The following TRAK2 variants were observed in gnomAD, a reference collection of about 807,000 sequenced individuals.
TRAK2 encodes trafficking kinesin protein 2.
A neutral mutation model predicts 104.6 loss-of-function variants in TRAK2; 81 were observed. The ratio of observed to expected loss-of-function variants is 0.77; its 90% CI spans 0.65 to 0.93. The LOEUF is 0.93. Ranked by LOEUF, TRAK2 falls within the 40% of genes least tolerant of loss-of-function variation. The probability of loss-of-function intolerance (pLI) is 0.00; values close to 1 mark genes in which losing one functional copy is unlikely to be tolerated. For missense variants in TRAK2, 1,002 were observed against 1,089.0 expected, an observed-to-expected ratio of 0.92 and a Z score of 1.12; for synonymous variants, 406 against 394.4, an observed-to-expected ratio of 1.03 and a Z score of -0.35.
Position 201,399,471 on chromosome 2 carries a change from G to C in TRAK2, c.386C>G (p.Ala129Gly), listed in dbSNP as rs779060107. ...TAAGAGAGCTTGTCCAATTCGAGCA[G>C]CGAGTTCCAGATCACGATCCCTCTG... ...LAERDRDLEL[A>G]ARIGQALLKR... is the part of the protein sequence containing the mutation. The change falls in exon 5 of 16, where the codon GCT becomes GGT. Residue 129 changes from alanine to glycine, a missense_variant. Ala to Gly is a moderately conservative substitution (Grantham distance 60). Transcript: ENST00000332624. 6.2e-7 allele frequency: 1 copy of C among 1,612,562 alleles called. No homozygotes were observed. The highest frequency in any genetic ancestry group is 1.1e-5 in the South Asian group (1 of 90,942).
chr2:201,443,337 CCT>C (rs1197730827), intron 1 of TRAK2, among the ~76,000 whole-genome samples: 11 of 152,072 alleles, frequency 7.2e-5, no homozygotes, highest in African/African-American at 2.7e-4. Flanking sequence ...TTGACTACTC[CCT>C]GTTTCAACTT....
chr2:201,411,828 A>C lies in TRAK2; in HGVS notation c.92-4231T>G, dbSNP rs187358351. ...ATTTACAGGAACAGCAAGGGAAGAC[A>C]TTTGTAGACAGGCATTTTTAATTCT... is the stretch of plus-strand genomic sequence containing the variant. On this transcript the variant is annotated intron_variant, in intron 2 of 15. Coordinates refer to ENST00000332624, the MANE Select transcript of TRAK2 (RefSeq NM_015049.3). 9.4e-5 allele frequency: 79 copies of C among 841,264 alleles called. No individual in the cohort carries two copies. The African/African-American group carries it at 1.2e-3, about 13-fold the overall frequency. The allele number at this position is 841,264 out of a possible 1,614,324, so 52.1% of individuals were successfully genotyped here.
rs199606848 is a variant in TRAK2 at position 201,398,308 on chromosome 2, C to T, written c.527G>A (p.Arg176Gln). The T allele has an allele frequency of 3.3e-5, 53 of 1,613,594 alleles. No individual in the cohort carries two copies. Among genetic ancestry groups the T allele is most frequent in the Non-Finnish European group, 4.2e-5 (49 of 1,179,658 alleles). ...TTCTTCAGAAGCAATGGAGACGATTCGAAGTAACTCATCTTTCTTGCATAG... is the reference window on the plus strand; with the variant it reads ...TTCTTCAGAAGCAATGGAGACGATTTGAAGTAACTCATCTTTCTTGCATAG... Reference protein sequence around the residue: ...HELCKKDELLRIVSIASEESE... With the variant: ...HELCKKDELLQIVSIASEESE... Residue 176 changes from arginine (R) to glutamine (Q), a missense_variant, in exon 6 of 16, where the codon CGA becomes CAA. By Grantham distance (43) the Arg-to-Gln change is conservative. Transcript: ENST00000332624.
intron 1 of TRAK2, among the ~76,000 whole-genome samples, chr2:201,432,592 T>C (rs1951850520): frequency 6.6e-6 from 1 of 152,210 alleles, no homozygotes; most frequent in Admixed American, 6.5e-5. Flanking sequence ...GACATAAATA[T>C]TGCTGGCAGG....
At chr2:201,440,449 C>T (rs367648511) in intron 1 of TRAK2, among the ~76,000 whole-genome samples, 4 of 152,330 alleles carry the variant, frequency 2.6e-5, no homozygotes, top group Middle Eastern at 3.4e-3. Context: ...TCTTTCATCC[C>T]TCCAGCACCA....
intron 3 of TRAK2, among the ~76,000 whole-genome samples, chr2:201,406,029 A>G (rs1483076045): frequency 3.3e-5 from 5 of 152,210 alleles, no homozygotes; most frequent in East Asian, 1.9e-4. Flanking sequence ...TAAACACTCA[A>G]TGAACAAAGG....
chr2:201,411,573 T>G (rs1951647693), intron 2 of TRAK2: 1 of 765,704 alleles, frequency 1.3e-6, no homozygotes, highest in South Asian at 1.3e-5. Context: ...AGAATTGAAC[T>G]GATTAAGATT....
chr2:201,385,165 G>A (rs1951377425), intron 14 of TRAK2, among the ~76,000 whole-genome samples: 1 of 152,126 alleles, frequency 6.6e-6, no homozygotes, highest in Non-Finnish European at 1.5e-5. Context: ...TGAGTAGGTG[G>A]TGATATTAAT....
In TRAK2 at chr2:201,380,473, A is replaced by C; in HGVS notation, c.*70T>G. On this transcript the variant is annotated 3_prime_UTR_variant, in exon 16 of 16. Transcript: ENST00000332624. Reference sequence around the variant, plus strand: ...TTCCTTTTCTCTCAAGTCAGACCAGACCACATGTTTCAGTGCATATCTATC... The same window carrying C: ...TTCCTTTTCTCTCAAGTCAGACCAGCCCACATGTTTCAGTGCATATCTATC... 6.9e-7 allele frequency: 1 copy of C among 1,458,900 alleles called. No homozygotes were observed. The highest frequency in any genetic ancestry group is 9.4e-7 in the Non-Finnish European group (1 of 1,063,082). 90.4% of individuals were successfully genotyped at this position (1,458,900 alleles called of 1,614,324 possible). A position where few individuals can be genotyped will look rare whatever the true frequency, so the allele number is the denominator to read the frequency against.
intron 1 of TRAK2, among the ~76,000 whole-genome samples, chr2:201,427,959 T>A (rs978645473): frequency 6.6e-6 from 1 of 152,386 alleles, no homozygotes; most frequent in South Asian, 2.1e-4. Flanking sequence ...GCTGCATAAA[T>A]GTCTTCTTTT....
intron 2 of TRAK2, chr2:201,412,438 G>C: frequency 8.0e-7 from 1 of 1,244,284 alleles, no homozygotes; most frequent in Non-Finnish European, 1.2e-6. Flanking sequence ...ATTTATAAGT[G>C]AACTAGATCC....
chr2:201,385,301 T>C (rs915226899), intron 14 of TRAK2, among the ~76,000 whole-genome samples: 2 of 152,134 alleles, frequency 1.3e-5, no homozygotes, highest in Non-Finnish European at 2.9e-5. Context: ...GGCTCAAAGA[T>C]ATATTCAAAA....
chr2:201,435,845 G>C (rs990565746), intron 1 of TRAK2, among the ~76,000 whole-genome samples: 69 of 152,258 alleles, frequency 4.5e-4, no homozygotes, highest in Admixed American at 1.4e-3. Context: ...AGAGGGAAGA[G>C]AGAGAGGTCT....
rs13413610 is a variant in TRAK2 at position 201,448,791 on chromosome 2, G to C, written c.-200+2559C>G. Among the ~76,000 whole-genome samples the C allele has an allele frequency of 8.6e-3, 1,302 of 152,268 alleles. 27 individuals carry two copies. Among genetic ancestry groups the C allele is most frequent in the African/African-American group, 0.03 (1,250 of 41,530 alleles). On this transcript the variant is annotated intron_variant, in intron 1 of 15. Transcript: ENST00000332624. ...GTCTCACTCTGTCACTCAAGCTGGAGTGCAGTGGTGCCATCATCGCTCAAG... is the reference window on the plus strand; with the variant it reads ...GTCTCACTCTGTCACTCAAGCTGGACTGCAGTGGTGCCATCATCGCTCAAG...
Position 201,399,382 on chromosome 2 carries a change from C to G in TRAK2, c.475G>C (p.Asp159His). ...ACATTTGATCAAAGGCTTACTTGAT[C>G]AAAGGCTTGTCCCAATTGCTCCTCC... ...SLEEQLGQAFDQVNQLQHELC... is the reference protein window; with the variant it reads ...SLEEQLGQAFHQVNQLQHELC... The change falls in exon 5 of 16, where the codon GAT becomes CAT. Residue 159 changes from aspartate to histidine, a missense_variant. Coordinates refer to ENST00000332624, the MANE Select transcript of TRAK2 (RefSeq NM_015049.3). 6.2e-7 allele frequency: 1 copy of G among 1,604,686 alleles called. No homozygotes were observed. The highest frequency in any genetic ancestry group is 8.5e-7 in the Non-Finnish European group (1 of 1,172,594).
intron 1 of TRAK2, among the ~76,000 whole-genome samples, chr2:201,437,728 G>A (rs1165995705): frequency 1.3e-5 from 2 of 151,754 alleles, no homozygotes; most frequent in Admixed American, 1.3e-4. Context: ...GTTTCCTACC[G>A]TGTCCTCCAG....
At chr2:201,413,332 G>T in intron 2 of TRAK2, 1 of 1,081,048 alleles carries the variant, frequency 9.3e-7, no homozygotes, top group Non-Finnish European at 1.3e-6. Flanking sequence ...GGTAGTTATA[G>T]TTACCTTTTC....
At chr2:201,410,344 G>C (rs1168696107) in intron 2 of TRAK2, among the ~76,000 whole-genome samples, 1 of 151,356 alleles carries the variant, frequency 6.6e-6, no homozygotes, top group Non-Finnish European at 1.5e-5. Context: ...GAGTTGGTAA[G>C]AGGAAAAAAA....
chr2:201,430,269 G>A (rs1012904353), intron 1 of TRAK2, among the ~76,000 whole-genome samples: 2 of 152,306 alleles, frequency 1.3e-5, no homozygotes, highest in East Asian at 1.9e-4. Context: ...TAGGCTACTC[G>A]GGGGTCAGGG....
Sources: allele counts gnomAD v4.1 joint callset (sites outside exome capture counted in the v4.1 genomes callset), GRCh38; gene constraint gnomAD v4.1.1; transcripts MANE v1.5; gene names NCBI Gene and HGNC (gene_info 2026-07-23, HGNC 2026-07-21).